Variants in PREX2 observed in about 807,000 individuals in gnomAD.
PREX2 encodes phosphatidylinositol-3,4,5-trisphosphate dependent Rac exchange factor 2.
A neutral mutation model predicts 203.2 loss-of-function variants in PREX2; 107 were observed. The observed-to-expected ratio is 0.53, with a 90% confidence interval of 0.45 to 0.62. PREX2 has a LOEUF of 0.62. PREX2 is among the 20% of genes least tolerant of loss of function. The pLI, the probability that PREX2 is intolerant of heterozygous loss-of-function variation, is 0.00. For synonymous variants in PREX2, 672 were observed against 663.6 expected, an observed-to-expected ratio of 1.01 and a Z score of -0.19; for missense variants, 1,777 against 1,955.9, an observed-to-expected ratio of 0.91 and a Z score of 1.72.
chr8:67,997,921 A>G (rs974508134), intron 1 of PREX2, among the ~76,000 whole-genome samples: 1 of 152,130 alleles, frequency 6.6e-6, no homozygotes, highest in Non-Finnish European at 1.5e-5. Context: ...ATTATAAATG[A>G]TAATATTATT....
rs1255126629 is a variant in PREX2, at chr8:68,069,789, C to T, written c.1444-46C>T. The T allele has an allele frequency of 7.7e-6, 7 of 904,298 alleles. No homozygotes were observed. The Admixed American group carries it at 8.1e-5, about 10-fold the overall frequency. 56.0% of individuals were successfully genotyped at this position (904,298 alleles called of 1,614,324 possible). Reference sequence around the variant, plus strand: ...TACTTCAAAATTTCATTGAAATGTCCCTTGGGTAATCTCACTTGTTTTTGA... The same window carrying T: ...TACTTCAAAATTTCATTGAAATGTCTCTTGGGTAATCTCACTTGTTTTTGA... On this transcript the variant is annotated intron_variant, in intron 12 of 39. Transcript: ENST00000288368.
intron 1 of PREX2, among the ~76,000 whole-genome samples, chr8:68,016,763 T>C (rs1020000662): frequency 4.6e-5 from 7 of 152,068 alleles, no homozygotes; most frequent in Non-Finnish European, 1.5e-5. Context: ...AGTACAGGTG[T>C]GTGCCACCAC....
At chr8:68,095,537 A>ATATG (rs1810036905) in intron 21 of PREX2, among the ~76,000 whole-genome samples, 10 of 146,092 alleles carry the variant, frequency 6.8e-5, no homozygotes, top group East Asian at 2.0e-4. Flanking sequence ...ACATACATAT[A>ATATG]TGTGTGTGTG....
chr8:68,081,582 G>A (rs1255710947), intron 17 of PREX2, among the ~76,000 whole-genome samples: 1 of 152,184 alleles, frequency 6.6e-6, no homozygotes, highest in Middle Eastern at 3.2e-3. Context: ...GTCAAGAGCT[G>A]TGTCTTCTGT....
At chr8:68,099,591 A>T in intron 22 of PREX2, 91 bp from the exon 23 acceptor site, 1 of 1,256,686 alleles carries the variant, frequency 8.0e-7, no homozygotes, top group Non-Finnish European at 1.1e-6. Context: ...CTACTTTTGA[A>T]GTTTTTCTTC....
chr8:68,099,012 T>A (rs890251089), intron 22 of PREX2, among the ~76,000 whole-genome samples: 2 of 146,746 alleles, frequency 1.4e-5, no homozygotes, highest in African/African-American at 5.1e-5. Flanking sequence ...TTGGAAATTC[T>A]TAGTGATTGA....
intron 37 of PREX2, among the ~76,000 whole-genome samples, chr8:68,196,473 ATGTACAT>A (rs1812397506): frequency 2.0e-5 from 3 of 147,090 alleles, no homozygotes; most frequent in Non-Finnish European, 4.5e-5. Context: ...CACTATATAT[ATGTACAT>A]ATATATATAT....
chr8:68,116,716 A>G (rs1231131417), intron 26 of PREX2, among the ~76,000 whole-genome samples: 1 of 152,184 alleles, frequency 6.6e-6, no homozygotes, highest in Non-Finnish European at 1.5e-5. Flanking sequence ...GTCACGCCCT[A>G]ATGACCTCAT....
intron 1 of PREX2, among the ~76,000 whole-genome samples, chr8:67,979,122 A>G (rs1436565867): frequency 6.6e-6 from 1 of 152,202 alleles, no homozygotes; most frequent in African/African-American, 2.4e-5. Context: ...GTGATAAAAG[A>G]CAGGATACTA....
At chr8:68,022,207 T>A in intron 4 of PREX2, 67 bp downstream of exon 4, 1 of 805,042 alleles carries the variant, frequency 1.2e-6, no homozygotes, top group Non-Finnish European at 2.2e-6. Flanking sequence ...AGCCAAGGAA[T>A]AGCATCAATA....
At chr8:68,170,590 A>G (rs192547127) in intron 35 of PREX2, among the ~76,000 whole-genome samples, 68 of 152,342 alleles carry the variant, frequency 4.5e-4, no homozygotes, top group Non-Finnish European at 5.6e-4. Flanking sequence ...TGTTTCCACA[A>G]TATAACCTCC....
At chr8:68,150,477 T>C (rs1054062095) in intron 34 of PREX2, among the ~76,000 whole-genome samples, 1 of 152,152 alleles carries the variant, frequency 6.6e-6, no homozygotes, top group Non-Finnish European at 1.5e-5. Context: ...CTCTGATTAC[T>C]CTACCCTTCT....
chr8:68,119,398 T>G lies in PREX2; in HGVS notation c.3422-34T>G, dbSNP rs1395596827. Reference sequence around the variant, plus strand: ...ACGTTAAACATAAGATGAGTGATTTTGGTTTTTGGTTTTGTTTTTGTTTTG... The same window carrying G: ...ACGTTAAACATAAGATGAGTGATTTGGGTTTTTGGTTTTGTTTTTGTTTTG... On this transcript the variant is annotated intron_variant, in intron 27 of 39. Transcript: ENST00000288368. The G allele has an allele frequency of 2.1e-6, 3 of 1,413,564 alleles. No homozygotes were observed. The African/African-American group carries it at 4.2e-5, about 20-fold the overall frequency. 87.6% of individuals were successfully genotyped at this position (1,413,564 alleles called of 1,614,324 possible). A position where few individuals can be genotyped will look rare whatever the true frequency, so the allele number is the denominator to read the frequency against.
chr8:68,224,591 G>T lies in PREX2; in HGVS notation c.4740G>T (p.Leu1580Phe), dbSNP rs1236733726. Residue 1580 changes from leucine (L) to phenylalanine (F), a missense_variant, in exon 39 of 40, where the codon TTG becomes TTT. Coordinates refer to ENST00000288368, the MANE Select transcript of PREX2 (RefSeq NM_024870.4). ...GARVQNTAKNLGVRDRTPQSA... is the reference protein window; with the variant it reads ...GARVQNTAKNFGVRDRTPQSA... ...GAGTTCAGAACACAGCGAAGAATTT[G>T]GGAGTCAGAGACCGGACTCCACAGT... 6.2e-7 allele frequency: 1 copy of T among 1,613,802 alleles called. No individual in the cohort carries two copies. The highest frequency in any genetic ancestry group is 8.5e-7 in the Non-Finnish European group (1 of 1,179,866).
chr8:68,170,585 C>A (rs1371065053), intron 35 of PREX2, among the ~76,000 whole-genome samples: 1 of 152,198 alleles, frequency 6.6e-6, no homozygotes, highest in Non-Finnish European at 1.5e-5. Context: ...ACAGCTGTTT[C>A]CACAATATAA....
chr8:68,124,585 C>T (rs903517342), intron 30 of PREX2, among the ~76,000 whole-genome samples: 1 of 151,836 alleles, frequency 6.6e-6, no homozygotes, highest in Non-Finnish European at 1.5e-5. Flanking sequence ...CAACAAACCC[C>T]CATGACACAA....
chr8:68,079,335 G>C (rs184122137), intron 15 of PREX2, among the ~76,000 whole-genome samples: 4 of 152,166 alleles, frequency 2.6e-5, no homozygotes, highest in African/African-American at 9.7e-5. Context: ...TTGGAGCTCT[G>C]TAAAAATAAT....
At chr8:68,115,548 A>C (rs561910885) in intron 25 of PREX2, among the ~76,000 whole-genome samples, 25 of 150,934 alleles carry the variant, frequency 1.7e-4, no homozygotes, top group African/African-American at 6.2e-4. Flanking sequence ...TTTCTGGTCT[A>C]AATTGTATGT....
chr8:68,006,283 C>T (rs1807090431), intron 1 of PREX2, among the ~76,000 whole-genome samples: 2 of 152,256 alleles, frequency 1.3e-5, no homozygotes, highest in Admixed American at 1.3e-4. Context: ...AGGGAGGCAC[C>T]AGTTTCCCCG....
Sources: gnomAD v4.1 joint callset for allele counts (sites outside exome capture counted in the v4.1 genomes callset) on GRCh38, gnomAD v4.1.1 for gene constraint, MANE v1.5 for transcripts, NCBI Gene and HGNC (gene_info 2026-07-23, HGNC 2026-07-21) for gene names.